The following DTNBP1 variants were observed in gnomAD, a reference collection of about 807,000 sequenced individuals.
DTNBP1 encodes the protein dysbindin.
In DTNBP1, 35 loss-of-function variants were observed where a neutral mutation model predicts 42.8. The observed-to-expected ratio is 0.82, with a 90% confidence interval of 0.63 to 1.09. DTNBP1 has a LOEUF of 1.09. Among genes scored for constraint, DTNBP1 ranks in the 50% least tolerant of loss-of-function variants. DTNBP1 has a pLI of 0.00. For missense variants in DTNBP1, 457 were observed against 424.2 expected (o/e 1.08, Z -0.68); for synonymous variants, 171 against 162.2 (o/e 1.05, Z -0.41).
At position 15,651,226 on chromosome 6, in the gene DTNBP1, A is replaced by G. The variant is rs1581437471; in HGVS notation, c.161+87T>C. On this transcript the variant is annotated intron_variant, in intron 3 of 9. Coordinates refer to ENST00000344537, the MANE Select transcript of DTNBP1 (RefSeq NM_032122.5). ...CATTAAGATAAAATTTAGCTGTTTT[A>G]AGGCTTTTAACCTACAAAATTAAAA... 12 of 1,254,850 alleles carry G rather than the reference A, an allele frequency of 9.6e-6. No individual in the cohort carries two copies. In the East Asian group the frequency reaches 2.8e-4, roughly 29 times the overall value. The allele number at this position is 1,254,850 out of a possible 1,614,324, so 77.7% of individuals were successfully genotyped here.
At chr6:15,593,715 T>G (rs924901771) in intron 6 of DTNBP1, among the ~76,000 whole-genome samples, 2 of 152,230 alleles carry the variant, frequency 1.3e-5, no homozygotes, top group African/African-American at 4.8e-5. Context: ...AATAAACATT[T>G]TGTGACAAAG....
rs72837861 is a variant in DTNBP1 at position 15,622,936 on chromosome 6, C to T, written c.355+4407G>A. ...GTTATTTTCTAACAAAATAATTAGC[C>T]TTATGGAACAAAGAACTCTCCTTGG... On this transcript the variant is annotated intron_variant, in intron 5 of 9. Transcript: ENST00000344537. Among the ~76,000 whole-genome samples, 81 of 152,272 alleles carry T rather than the reference C, an allele frequency of 5.3e-4. 2 individuals carry two copies. Among genetic ancestry groups the T allele is most frequent in the Admixed American group, 4.8e-3 (73 of 15,298 alleles).
intron 7 of DTNBP1, among the ~76,000 whole-genome samples, chr6:15,570,380 C>T (rs192002658): frequency 2.0e-5 from 3 of 152,174 alleles, no homozygotes; most frequent in Non-Finnish European, 4.4e-5. Context: ...GCCAAGTGGC[C>T]GTTTCCTGAC....
Position 15,627,484 on chromosome 6 carries a change from C to G in DTNBP1, c.223-9G>C. On this transcript the variant is annotated splice_polypyrimidine_tract_variant and intron_variant, in intron 4 of 9. Transcript: ENST00000344537. ...ACCTCGCTATCCACCAGCTGCAGCA[C>G]ACAAGAAGGGGGGTAAAGTGAAACC... 2.5e-6 allele frequency: 4 copies of G among 1,613,718 alleles called. No individual in the cohort carries two copies. Among genetic ancestry groups the G allele is most frequent in the Non-Finnish European group, 3.4e-6 (4 of 1,179,872 alleles).
chr6:15,606,805 C>T (rs539797667), intron 6 of DTNBP1, among the ~76,000 whole-genome samples: 19 of 152,178 alleles, frequency 1.2e-4, no homozygotes, highest in African/African-American at 4.6e-4. Context: ...GTGTAGTTTG[C>T]ATAGCATCTT....
At chr6:15,606,785 A>G (rs1208128178) in intron 6 of DTNBP1, among the ~76,000 whole-genome samples, 1 of 152,190 alleles carries the variant, frequency 6.6e-6, no homozygotes, top group East Asian at 1.9e-4. Context: ...CAGAGTAAGA[A>G]AAGTCATTAG....
chr6:15,632,993 AAAC>A (rs1422973512), intron 4 of DTNBP1, among the ~76,000 whole-genome samples: 6 of 152,208 alleles, frequency 3.9e-5, no homozygotes, highest in Non-Finnish European at 8.8e-5. Context: ...ACACATTTTA[AAAC>A]AACGTGTGAG....
chr6:15,635,186 T>C (rs1190883793), intron 4 of DTNBP1, among the ~76,000 whole-genome samples: 1 of 152,188 alleles, frequency 6.6e-6, no homozygotes, highest in Non-Finnish European at 1.5e-5. Context: ...TGGCATGATC[T>C]CGGCTCATTG....
chr6:15,612,290 T>A (rs1308865572), intron 6 of DTNBP1, among the ~76,000 whole-genome samples: 1 of 152,146 alleles, frequency 6.6e-6, no homozygotes, highest in Non-Finnish European at 1.5e-5. Flanking sequence ...CTTTAAGACA[T>A]AATGCTAGTG....
At chr6:15,580,918 A>C (rs996756871) in intron 7 of DTNBP1, among the ~76,000 whole-genome samples, 1 of 152,228 alleles carries the variant, frequency 6.6e-6, no homozygotes, top group African/African-American at 2.4e-5. Flanking sequence ...TTGGAAAACT[A>C]GCATGGGTCT....
At chr6:15,539,013 C>G (rs1406833806) in intron 7 of DTNBP1, among the ~76,000 whole-genome samples, 1 of 152,158 alleles carries the variant, frequency 6.6e-6, no homozygotes, top group East Asian at 1.9e-4. Context: ...ATTCCCAGCA[C>G]CACACTCTCA....
chr6:15,633,934 AATGG>A (rs1759843854), intron 4 of DTNBP1, among the ~76,000 whole-genome samples: 1 of 152,216 alleles, frequency 6.6e-6, no homozygotes, highest in Non-Finnish European at 1.5e-5. Context: ...CTTAATAGAC[AATGG>A]TATAGTATAA....
At chr6:15,658,285 A>C (rs1290956251) in intron 1 of DTNBP1, among the ~76,000 whole-genome samples, 1 of 152,230 alleles carries the variant, frequency 6.6e-6, no homozygotes, top group Admixed American at 6.5e-5. Context: ...TTGAATACTG[A>C]GATTATTTTC....
At chr6:15,652,195 T>C (rs1251567617) in intron 1 of DTNBP1, 55 bp from the exon 2 acceptor site, 1 of 1,416,878 alleles carries the variant, frequency 7.1e-7, no homozygotes, top group Non-Finnish European at 9.7e-7. Context: ...TATTATTATT[T>C]TTTTGAGACA....
At chr6:15,577,909 T>A (rs1295868203) in intron 7 of DTNBP1, among the ~76,000 whole-genome samples, 1 of 152,022 alleles carries the variant, frequency 6.6e-6, no homozygotes, top group African/African-American at 2.4e-5. Flanking sequence ...TTTTCCAAGA[T>A]ATTGTAGCCA....
intron 9 of DTNBP1, 50 bp from the exon 10 acceptor site, chr6:15,523,269 A>G (rs565812453): frequency 6.2e-7 from 1 of 1,610,138 alleles, no homozygotes; most frequent in Admixed American, 1.7e-5. Flanking sequence ...AATATTGTGA[A>G]TCAGAATTGC....
Position 15,618,594 on chromosome 6 carries a change from C to T in DTNBP1, c.356-3195G>A, listed in dbSNP as rs539772248. 8.8e-4 allele frequency among the ~76,000 whole-genome samples: 133 copies of T among 151,732 alleles called. 1 individual carries two copies. The highest frequency in any genetic ancestry group is 1.7e-3 in the Non-Finnish European group (118 of 67,936). Reference sequence around the variant, plus strand: ...AAAATAACAAATTCTGTCAAGAACGCGGAGAAACGAGTTCTCATACGCTGT... The same window carrying T: ...AAAATAACAAATTCTGTCAAGAACGTGGAGAAACGAGTTCTCATACGCTGT... On this transcript the variant is annotated intron_variant, in intron 5 of 9. Transcript: ENST00000344537.
chr6:15,638,485 T>C (rs2113771036), intron 3 of DTNBP1, among the ~76,000 whole-genome samples: 1 of 152,220 alleles, frequency 6.6e-6, no homozygotes, highest in Non-Finnish European at 1.5e-5. Context: ...ATAGTAATAA[T>C]TGTTTTAAAA....
intron 7 of DTNBP1, among the ~76,000 whole-genome samples, chr6:15,555,172 C>T (rs532195677): frequency 2.0e-5 from 3 of 149,676 alleles, no homozygotes; most frequent in African/African-American, 7.4e-5. Context: ...TTATTTCTCA[C>T]TCCCCTACAT....
Sources: gnomAD v4.1 joint callset for allele counts (sites outside exome capture counted in the v4.1 genomes callset) on GRCh38, gnomAD v4.1.1 for gene constraint, MANE v1.5 for transcripts, NCBI Gene and HGNC (gene_info 2026-07-23, HGNC 2026-07-21) for gene names.